Variants in MACF1 observed in about 807,000 individuals in gnomAD.
MACF1 encodes the protein microtubule-actin cross-linking factor 1.
In MACF1, 193 loss-of-function variants were observed where a neutral mutation model predicts 854.8. That is an observed-to-expected ratio of 0.23 (90% CI 0.20 to 0.25). The LOEUF is 0.25. MACF1 is among the 10% of genes least tolerant of loss of function. The pLI, the probability that MACF1 is intolerant of heterozygous loss-of-function variation, is 1.00. For missense variants in MACF1, 7,722 were observed against 8,929.1 expected (o/e 0.86, Z 5.45); for synonymous variants, 3,185 against 3,226.7 (o/e 0.99, Z 0.44).
intron 95 of MACF1, chr1:39,468,122 G>T (rs1644706806): frequency 6.5e-6 from 1 of 153,802 alleles, no homozygotes; most frequent in Non-Finnish European, 1.4e-5. Flanking sequence ...CCGGCGCAGT[G>T]TCTCATGCCT....
chr1:39,291,050 C>A (rs1237223184), intron 15 of MACF1, among the ~76,000 whole-genome samples: 2 of 151,976 alleles, frequency 1.3e-5, no homozygotes, highest in African/African-American at 4.8e-5. Flanking sequence ...CCAGTCACTG[C>A]AACCTCTGAC....
chr1:39,455,171 A>G lies in MACF1; in HGVS notation c.21075+74A>G, dbSNP rs184707676. On this transcript the variant is annotated intron_variant, in intron 89 of 100. Transcript: ENST00000564288. ...GGAGACCATCTCTGTTGCCCTGTGT[A>G]TATGTTTTTAAATGGCTGCTTAACA... is the stretch of plus-strand genomic sequence containing the variant. The G allele has an allele frequency of 2.6e-5, 38 of 1,443,706 alleles. No individual in the cohort carries two copies. In the African/African-American group the frequency reaches 3.9e-4, roughly 15 times the overall value. The allele number at this position is 1,443,706 out of a possible 1,614,324, so 89.4% of individuals were successfully genotyped here.
chr1:39,113,626 C>G (rs1039792167), intron 2 of MACF1, among the ~76,000 whole-genome samples: 2 of 152,156 alleles, frequency 1.3e-5, no homozygotes, highest in African/African-American at 4.8e-5. Context: ...CAGAAGAAAG[C>G]AATTTTAAAC....
chr1:39,152,219 C>G (rs1185707166), intron 2 of MACF1, among the ~76,000 whole-genome samples: 4 of 152,116 alleles, frequency 2.6e-5, no homozygotes, highest in African/African-American at 7.2e-5. Flanking sequence ...GTGATCCGCC[C>G]ACCTTGGCCT....
At chr1:39,468,498 A>G in intron 95 of MACF1, 117 bp from the exon 96 acceptor site, 3 of 759,432 alleles carry the variant, frequency 4.0e-6, no homozygotes, top group Admixed American at 5.6e-5. Context: ...GTGAGAGTTA[A>G]CAATTCTTCT....
intron 6 of MACF1, among the ~76,000 whole-genome samples, chr1:39,280,090 G>A (rs1166397040): frequency 2.6e-5 from 4 of 151,656 alleles, no homozygotes; most frequent in African/African-American, 4.8e-5. Context: ...ACAGAGTCCC[G>A]CTCTGTCACC....
intron 2 of MACF1, among the ~76,000 whole-genome samples, chr1:39,182,026 C>G (rs1158919046): frequency 6.6e-6 from 1 of 151,920 alleles, no homozygotes; most frequent in Non-Finnish European, 1.5e-5. Flanking sequence ...TGGCGGGCAC[C>G]TGTAATCCCA....
chr1:39,343,706 C>G (rs913449824), intron 40 of MACF1, among the ~76,000 whole-genome samples: 10 of 152,172 alleles, frequency 6.6e-5, no homozygotes, highest in Non-Finnish European at 1.2e-4. Flanking sequence ...AGTGGCAAAT[C>G]CATGTGAGTC....
chr1:39,276,744 T>C (rs1261796090), intron 6 of MACF1, among the ~76,000 whole-genome samples: 1 of 152,226 alleles, frequency 6.6e-6, no homozygotes, highest in Non-Finnish European at 1.5e-5. Context: ...AACTATTTCA[T>C]GTGACCTACC....
intron 2 of MACF1, among the ~76,000 whole-genome samples, chr1:39,233,808 T>TTTTTTGTTTTTTTTTA (rs755591226): frequency 1.5e-5 from 1 of 65,772 alleles, no homozygotes; most frequent in Admixed American, 2.1e-4. Flanking sequence ...ATTTATTTTT[T>TTTTTTGTTTTTTTTTA]ATTGATAATT....
At chr1:39,174,660 A>G (rs74069449) in intron 2 of MACF1, among the ~76,000 whole-genome samples, 4,716 of 152,314 alleles carry the variant, frequency 0.031, 237 homozygotes, top group African/African-American at 0.11. Context: ...ACTCTTTGGC[A>G]AAAGCAAGGG....
At chr1:39,286,987 G>A (rs1645657148) in intron 14 of MACF1, among the ~76,000 whole-genome samples, 1 of 151,236 alleles carries the variant, frequency 6.6e-6, no homozygotes, top group Non-Finnish European at 1.5e-5. Context: ...TTGAGACAAG[G>A]TCTTGCTCTG....
chr1:39,412,753 G>A lies in MACF1; in HGVS notation c.15817-9621G>A, dbSNP rs201718916. The A allele has an allele frequency of 2.0e-4, 319 of 1,612,822 alleles. 1 individual carries two copies. The highest frequency in any genetic ancestry group is 3.3e-4 in the Middle Eastern group (2 of 6,082). On this transcript the variant is annotated intron_variant, in intron 58 of 100. Coordinates refer to ENST00000564288, the MANE Select transcript of MACF1 (RefSeq NM_001394062.1). Reference sequence around the variant, plus strand: ...ACCAGTTTTAGAGGAATGGATACCCGTCCTCCAGAGACCTTCCCGGACTGC... The same window carrying A: ...ACCAGTTTTAGAGGAATGGATACCCATCCTCCAGAGACCTTCCCGGACTGC...
Position 39,439,519 on chromosome 1 carries a change from C to T in MACF1, c.18447+19C>T, listed in dbSNP as rs1644055203. ...TGCTGAGGTAAGAAGGAAACAAAAC[C>T]CTTTTTCTTAGGTGTCTGTCCTCTA... On this transcript the variant is annotated intron_variant, in intron 72 of 100. Coordinates refer to ENST00000564288, the MANE Select transcript of MACF1 (RefSeq NM_001394062.1). 2 of 1,595,582 alleles carry T rather than the reference C, an allele frequency of 1.3e-6. No individual in the cohort carries two copies. The highest frequency in any genetic ancestry group is 2.2e-5 in the South Asian group (2 of 90,270).
At chr1:39,387,025 T>A (rs989491489) in intron 57 of MACF1, among the ~76,000 whole-genome samples, 162 bp from the exon 58 acceptor site, 1 of 152,250 alleles carries the variant, frequency 6.6e-6, no homozygotes, top group Admixed American at 6.5e-5. Flanking sequence ...GAGGATTAAA[T>A]AAGATAGTGT....
chr1:39,414,001 G>A (rs769351161), intron 58 of MACF1: 6 of 1,608,206 alleles, frequency 3.7e-6, no homozygotes, highest in Middle Eastern at 1.7e-4. Flanking sequence ...CTCCCCAGCA[G>A]CAGCAGTGCC....
chr1:39,435,659 G>A lies in MACF1; in HGVS notation c.17886G>A (p.Val5962=). 6 of 1,614,120 alleles carry A rather than the reference G, an allele frequency of 3.7e-6. No individual in the cohort carries two copies. Among genetic ancestry groups the A allele is most frequent in the Non-Finnish European group, 5.1e-6 (6 of 1,180,006 alleles). The stretch of plus-strand genomic sequence containing the variant: ...TAAACCCTGAGGAAGGGGAAATGGT[G>A]GAAGAAAAATACCAGAAAGCAGAAA... The part of the protein sequence containing the change: ...KELNPEEGEM[V]EEKYQKAENM... Residue 5962 remains valine, a synonymous_variant, in exon 70 of 101, where the codon GTG becomes GTA. Coordinates refer to ENST00000564288, the MANE Select transcript of MACF1 (RefSeq NM_001394062.1).
intron 15 of MACF1, among the ~76,000 whole-genome samples, chr1:39,288,662 G>A (rs899156584): frequency 6.6e-6 from 1 of 151,862 alleles, no homozygotes; most frequent in Non-Finnish European, 1.5e-5. Flanking sequence ...ATGATGGCGC[G>A]CACCGGTGGT....
intron 2 of MACF1, among the ~76,000 whole-genome samples, chr1:39,169,971 TG>T (rs1643925834): frequency 6.6e-6 from 1 of 150,724 alleles, no homozygotes; most frequent in African/African-American, 2.4e-5. Context: ...TTAGTAGAGA[TG>T]GGGTTTCACC....
Sources: allele counts gnomAD v4.1 joint callset (sites outside exome capture counted in the v4.1 genomes callset), GRCh38; gene constraint gnomAD v4.1.1; transcripts MANE v1.5; gene names NCBI Gene and HGNC (gene_info 2026-07-23, HGNC 2026-07-21).